NAV2: variants seen among roughly 807,000 people sequenced by gnomAD.
The protein encoded by NAV2 is neuron navigator 2.
Under a neutral mutation model 223.2 loss-of-function variants are expected in NAV2, and 54 were observed. That is an observed-to-expected ratio of 0.24 (90% CI 0.19 to 0.30). The LOEUF (loss-of-function observed/expected upper bound fraction) is 0.30, where lower values mean the gene tolerates loss of function less well. NAV2 is among the 10% of genes least tolerant of loss of function. The probability of loss-of-function intolerance (pLI) is 1.00; values close to 1 mark genes in which losing one functional copy is unlikely to be tolerated. For synonymous variants in NAV2, 1,279 were observed against 1,239.3 expected (o/e 1.03, Z -0.67); for missense variants, 2,806 against 3,147.5 (o/e 0.89, Z 2.60).
intron 11 of NAV2, among the ~76,000 whole-genome samples, chr11:20,008,318 A>G (rs932012335): frequency 2.0e-5 from 3 of 152,162 alleles, no homozygotes; most frequent in Admixed American, 6.5e-5. Flanking sequence ...AGATCGCACC[A>G]CTGTACTCCA....
intron 1 of NAV2, among the ~76,000 whole-genome samples, chr11:19,831,243 T>TGGGGGGGGGGGGGGG (rs1565392533): frequency 5.4e-4 from 1 of 1,868 alleles, no homozygotes; most frequent in Non-Finnish European, 1.0e-3. Context: ...GGGGGCGCGA[T>TGGGGGGGGGGGGGGG]GGGGAGTGGG....
chr11:19,626,927 A>G (rs547433270), intron 1 of NAV2, among the ~76,000 whole-genome samples: 1 of 152,302 alleles, frequency 6.6e-6, no homozygotes, highest in South Asian at 2.1e-4. Context: ...ACCTCATAAT[A>G]TAGTTATGGA....
intron 1 of NAV2, among the ~76,000 whole-genome samples, chr11:19,434,061 A>G (rs1402219567): frequency 3.3e-5 from 5 of 152,106 alleles, no homozygotes; most frequent in Non-Finnish European, 7.3e-5. Flanking sequence ...CATTGGTGCA[A>G]ACAAATCACA....
rs1330473814 is a variant in NAV2, at chr11:19,713,685, C to T, written c.-11C>T. 13 of 1,550,672 alleles carry T rather than the reference C, an allele frequency of 8.4e-6. No individual in the cohort carries two copies. In the South Asian group the frequency reaches 1.5e-4, roughly 17 times the overall value. ...AGGGACGTGCTGGGAAAGCCCAAGC[C>T]CCGGGAGAAGATGCCGGCCATCCTG... On this transcript the variant is annotated 5_prime_UTR_variant, in exon 1 of 38. Transcript: ENST00000349880. The surrounding 1 kb of genome is among the most constrained non-coding windows in gnomAD (Gnocchi z 7.2).
rs1214855363 is a variant in NAV2, at chr11:20,105,543, T to C, written c.6657T>C (p.Cys2219=). Residue 2219 remains cysteine, a synonymous_variant, in exon 35 of 38, where the codon TGT becomes TGC. Transcript: ENST00000349880. Reference sequence around the variant, plus strand: ...TGACTTCCTCCAGATGGGTGCTTTGTGCCAACCACACGGAGCCTGTGAAGG... The same window carrying C: ...TGACTTCCTCCAGATGGGTGCTTTGCGCCAACCACACGGAGCCTGTGAAGG... ...QLHHNFRWVL[C]ANHTEPVKGF... 4 of 1,613,494 alleles carry C rather than the reference T, an allele frequency of 2.5e-6. No homozygotes were observed. Among genetic ancestry groups the C allele is most frequent in the African/African-American group, 1.3e-5 (1 of 74,928 alleles).
At position 19,948,797 on chromosome 11, in the gene NAV2, T is replaced by G; in HGVS notation, c.2362T>G (p.Ser788Ala). 6.2e-7 allele frequency: 1 copy of G among 1,614,000 alleles called. No individual in the cohort carries two copies. The highest frequency in any genetic ancestry group is 8.5e-7 in the Non-Finnish European group (1 of 1,180,006). Reference protein sequence around the residue: ...PTPLSWRLGQSSPRLQAGDAP... With the variant: ...PTPLSWRLGQASPRLQAGDAP... ...ACCTCTGTCCTGGAGACTGGGCCAGTCCAGCCCTCGGCTCCAAGCAGGAGA... is the reference window on the plus strand; with the variant it reads ...ACCTCTGTCCTGGAGACTGGGCCAGGCCAGCCCTCGGCTCCAAGCAGGAGA... The change falls in exon 10 of 38, where the codon TCC becomes GCC. Residue 788 changes from serine to alanine, a missense_variant. Transcript: ENST00000349880.
At chr11:19,436,609 T>C (rs1187530265) in intron 1 of NAV2, among the ~76,000 whole-genome samples, 1 of 152,184 alleles carries the variant, frequency 6.6e-6, no homozygotes, top group Non-Finnish European at 1.5e-5. Context: ...TTCCTATTTC[T>C]GTGAAAAATG....
rs2585771 is a variant in NAV2 at position 19,941,259 on chromosome 11, A to G, written c.2146+1486A>G. On this transcript the variant is annotated intron_variant, in intron 8 of 37. Transcript: ENST00000349880. ...GGCCTTAAGAGCTCAGAAACCCTGA[A>G]ATGCTGTCAATCGGCTGCGGGGAAG... Among the ~76,000 whole-genome samples the G allele has an allele frequency of 3.3e-3, 500 of 152,186 alleles. 2 individuals carry two copies. The highest frequency in any genetic ancestry group is 0.01 in the African/African-American group (420 of 41,494).
At chr11:19,494,542 T>A (rs2042732610) in intron 1 of NAV2, among the ~76,000 whole-genome samples, 2 of 152,268 alleles carry the variant, frequency 1.3e-5, no homozygotes, top group South Asian at 4.1e-4. Context: ...CATATCATTG[T>A]AGCTGAGCCA....
intron 6 of NAV2, among the ~76,000 whole-genome samples, chr11:19,922,457 G>C (rs1052051907): frequency 6.6e-6 from 1 of 152,236 alleles, no homozygotes; most frequent in Non-Finnish European, 1.5e-5. Context: ...TAGTTTCTCA[G>C]TGTGTGTTGT....
intron 1 of NAV2, among the ~76,000 whole-genome samples, chr11:19,633,573 C>T (rs2047406053): frequency 6.6e-6 from 1 of 152,272 alleles, no homozygotes; most frequent in Non-Finnish European, 1.5e-5. Flanking sequence ...GTGTCTGGGG[C>T]AGCCGGCAAA....
At chr11:19,622,652 G>A (rs1156820687) in intron 1 of NAV2, among the ~76,000 whole-genome samples, 5 of 152,084 alleles carry the variant, frequency 3.3e-5, no homozygotes, top group Non-Finnish European at 7.3e-5. Context: ...TTGAGCCTAT[G>A]TGTGTCTCTG....
At chr11:19,830,172 C>A (rs1316290847) in intron 1 of NAV2, among the ~76,000 whole-genome samples, 1 of 152,126 alleles carries the variant, frequency 6.6e-6, no homozygotes, top group African/African-American at 2.4e-5. Flanking sequence ...TTGCAGTGAG[C>A]CGAGATCACG....
At chr11:19,877,102 C>T (rs2062887228) in intron 4 of NAV2, among the ~76,000 whole-genome samples, 1 of 151,952 alleles carries the variant, frequency 6.6e-6, no homozygotes, top group Admixed American at 6.6e-5. Flanking sequence ...GTCGGAAAAC[C>T]TAGATTCAAA....
At position 20,090,991 on chromosome 11, in the gene NAV2, G is replaced by C; in HGVS notation, c.5625G>C (p.Gln1875His). The C allele has an allele frequency of 6.2e-7, 1 of 1,613,680 alleles. No individual in the cohort carries two copies. The highest frequency in any genetic ancestry group is 8.5e-7 in the Non-Finnish European group (1 of 1,179,846). Residue 1875 changes from glutamine (Q) to histidine (H), a missense_variant, in exon 27 of 38, where the codon CAG (glutamine) becomes CAC (histidine). This residue lies in a region of NAV2 where 824 missense variants were observed against 1,069.4 expected (regional missense o/e 0.77). Transcript: ENST00000349880. ...EALSSAHQLD[Q>H]LREAMNRMQS... is the part of the protein sequence containing the mutation. ...TCAGTTCTGCCCACCAGCTGGACCA[G>C]CTCCGGGAGGCCATGAACAGGATGC...
At chr11:19,748,458 A>G (rs1162306165) in intron 1 of NAV2, among the ~76,000 whole-genome samples, 1 of 152,190 alleles carries the variant, frequency 6.6e-6, no homozygotes, top group African/African-American at 2.4e-5. Context: ...TCCCTCTGCT[A>G]CTTCTCACTA....
chr11:19,986,556 G>C (rs2050814711), intron 11 of NAV2, among the ~76,000 whole-genome samples: 1 of 152,298 alleles, frequency 6.6e-6, no homozygotes, highest in South Asian at 2.1e-4. Flanking sequence ...GGAGGCAGAG[G>C]TTGCAATGAG....
chr11:19,416,582 T>A (rs1415232645), intron 1 of NAV2, among the ~76,000 whole-genome samples: 2 of 152,170 alleles, frequency 1.3e-5, no homozygotes, highest in African/African-American at 4.8e-5. Flanking sequence ...CTTCACAGAA[T>A]TAGAAAAAAA....
intron 6 of NAV2, among the ~76,000 whole-genome samples, chr11:19,894,816 C>T (rs1271829247): frequency 2.0e-5 from 3 of 152,272 alleles, no homozygotes; most frequent in East Asian, 1.9e-4. Context: ...CTACAACCTC[C>T]GCCTCCCGGG....
Sources: gnomAD v4.1 joint callset for allele counts (sites outside exome capture counted in the v4.1 genomes callset) on GRCh38, gnomAD v4.1.1 for gene constraint, gnomAD v4.1.1 regional missense constraint, Gnocchi (gnomAD v3.1) non-coding constraint, MANE v1.5 for transcripts, NCBI Gene and HGNC (gene_info 2026-07-23, HGNC 2026-07-21) for gene names.